Variants in GABRB1 observed in about 807,000 individuals in gnomAD.
GABRB1 encodes the protein gamma-aminobutyric acid type A receptor subunit beta1.
In GABRB1, 17 loss-of-function variants were observed where a neutral mutation model predicts 51.6. That is an observed-to-expected ratio of 0.33 (90% CI 0.23 to 0.49). GABRB1 has a LOEUF of 0.49. GABRB1 is among the 20% of genes least tolerant of loss of function. The pLI is 0.99. For synonymous variants in GABRB1, 247 were observed against 218.9 expected (o/e 1.13, Z -1.14); for missense variants, 410 against 600.6 (o/e 0.68, Z 3.32).
intron 4 of GABRB1, among the ~76,000 whole-genome samples, chr4:47,252,356 C>T (rs1722027244): frequency 1.3e-5 from 2 of 152,110 alleles, no homozygotes; most frequent in South Asian, 2.1e-4. Context: ...TTGGGGCACT[C>T]ACAGTATTTG....
intron 4 of GABRB1, among the ~76,000 whole-genome samples, chr4:47,245,236 T>A (rs1721696929): frequency 6.6e-6 from 1 of 152,184 alleles, no homozygotes; most frequent in African/African-American, 2.4e-5. Context: ...AAGGTTTTTT[T>A]CCTGCATCCA....
chr4:47,387,853 T>C (rs531461563), intron 5 of GABRB1, among the ~76,000 whole-genome samples: 16 of 152,080 alleles, frequency 1.1e-4, no homozygotes, highest in Non-Finnish European at 2.2e-4. Flanking sequence ...TCTTGAGAAA[T>C]TACAGGTAGA....
At chr4:47,320,297 G>T in intron 5 of GABRB1, 88 bp downstream of exon 5, 1 of 857,752 alleles carries the variant, frequency 1.2e-6, no homozygotes, top group East Asian at 2.4e-5. Flanking sequence ...TTAGCACCAG[G>T]ATTTTCTAGC....
intron 5 of GABRB1, among the ~76,000 whole-genome samples, chr4:47,372,564 C>T (rs1412418816): frequency 6.6e-6 from 1 of 152,106 alleles, no homozygotes; most frequent in African/African-American, 2.4e-5. Context: ...CAATCTCTTC[C>T]CATCCACCAC....
intron 3 of GABRB1, among the ~76,000 whole-genome samples, chr4:47,122,806 T>C (rs1047336737): frequency 3.3e-5 from 5 of 152,196 alleles, no homozygotes; most frequent in African/African-American, 1.2e-4. Context: ...AGAAGCTCAC[T>C]GGAAACAAGT....
rs558030522 is a variant in GABRB1, at chr4:47,381,164, A to G, written c.545-22154A>G. 5.7e-4 allele frequency among the ~76,000 whole-genome samples: 87 copies of G among 152,238 alleles called. No individual in the cohort carries two copies. The South Asian group carries it at 0.018, about 31-fold the overall frequency. Reference sequence around the variant, plus strand: ...TGTAAGCTCTGGAGGTGACTACAGAAGCCTCACCCTTGGGAGCTAAGGAAG... The same window carrying G: ...TGTAAGCTCTGGAGGTGACTACAGAGGCCTCACCCTTGGGAGCTAAGGAAG... On this transcript the variant is annotated intron_variant, in intron 5 of 8. Coordinates refer to ENST00000295454, the MANE Select transcript of GABRB1 (RefSeq NM_000812.4).
At chr4:47,278,636 C>T (rs1199383646) in intron 4 of GABRB1, among the ~76,000 whole-genome samples, 2 of 152,108 alleles carry the variant, frequency 1.3e-5, no homozygotes, top group Non-Finnish European at 2.9e-5. Context: ...TTGCCTGGCC[C>T]TCAATGTCAA....
chr4:47,290,240 GC>G (rs1238347859), intron 4 of GABRB1, among the ~76,000 whole-genome samples: 1 of 152,180 alleles, frequency 6.6e-6, no homozygotes, highest in African/African-American at 2.4e-5. Flanking sequence ...TCTTTCCATT[GC>G]TGTTCTCATG....
intron 3 of GABRB1, among the ~76,000 whole-genome samples, chr4:47,122,675 T>C (rs982931510): frequency 1.9e-4 from 29 of 152,136 alleles, no homozygotes; most frequent in Admixed American, 1.6e-3. Context: ...AGGGGAAGTA[T>C]GATAGACTTG....
intron 3 of GABRB1, among the ~76,000 whole-genome samples, chr4:47,040,636 G>A (rs1386199423): frequency 2.6e-5 from 4 of 152,076 alleles, no homozygotes; most frequent in Admixed American, 6.5e-5. Flanking sequence ...ATGTTATAAG[G>A]CACTTGGGGA....
intron 3 of GABRB1, chr4:47,033,064 G>C (rs1026318123): frequency 3.7e-6 from 1 of 267,784 alleles, no homozygotes; most frequent in Non-Finnish European, 7.5e-6. Context: ...GCCCGAGCCT[G>C]GGTAGGCTTG....
At chr4:47,311,237 T>TACAACAACAACAACAACAACA (rs1382390835) in intron 4 of GABRB1, among the ~76,000 whole-genome samples, 13 of 142,532 alleles carry the variant, frequency 9.1e-5, no homozygotes, top group African/African-American at 1.8e-4. Context: ...CTACTAAAAA[T>TACAACAACAACAACAACAACA]ACAACAACAA....
chr4:47,420,666 T>C (rs1159870734), intron 8 of GABRB1, among the ~76,000 whole-genome samples: 1 of 152,186 alleles, frequency 6.6e-6, no homozygotes, highest in African/African-American at 2.4e-5. Context: ...TCTGATGATA[T>C]GAAAAAATAA....
intron 4 of GABRB1, among the ~76,000 whole-genome samples, chr4:47,199,555 T>C (rs1719818600): frequency 6.6e-6 from 1 of 152,072 alleles, no homozygotes; most frequent in Non-Finnish European, 1.5e-5. Flanking sequence ...GTTGTTGGCT[T>C]GCACTGGAAG....
At chr4:47,265,019 A>G (rs1722594454) in intron 4 of GABRB1, among the ~76,000 whole-genome samples, 1 of 152,196 alleles carries the variant, frequency 6.6e-6, no homozygotes, top group African/African-American at 2.4e-5. Flanking sequence ...TAGTCAGGTC[A>G]TCTTTTTTTA....
chr4:47,174,727 G>T (rs1164295683), intron 4 of GABRB1, among the ~76,000 whole-genome samples: 1 of 152,062 alleles, frequency 6.6e-6, no homozygotes, highest in African/African-American at 2.4e-5. Context: ...GCCATCACAA[G>T]TTGCAGAGCA....
At position 47,270,498 on chromosome 4, in the gene GABRB1, T is replaced by C. The variant is rs983316168; in HGVS notation, c.462-49629T>C. ...GAATAATTTTTAAAAGAGAATTGCC[T>C]GTTGCTTTCTGTTGTGGAGTGGGGA... On this transcript the variant is annotated intron_variant, in intron 4 of 8. Transcript: ENST00000295454. Among the ~76,000 whole-genome samples, 3 of 152,242 alleles carry C rather than the reference T, an allele frequency of 2.0e-5. No individual in the cohort carries two copies. The South Asian group carries it at 6.2e-4, about 31-fold the overall frequency.
intron 5 of GABRB1, among the ~76,000 whole-genome samples, chr4:47,351,560 T>TC (rs1726334458): frequency 1.7e-5 from 1 of 57,312 alleles, no homozygotes; most frequent in Non-Finnish European, 3.2e-5. Context: ...CCCTCCCCCC[T>TC]CCCCCCACCC....
At chr4:47,123,316 A>G (rs1715872809) in intron 3 of GABRB1, among the ~76,000 whole-genome samples, 1 of 131,874 alleles carries the variant, frequency 7.6e-6, no homozygotes, top group South Asian at 2.3e-4. Context: ...ATTATATAAT[A>G]TTATATATAT....
Sources: allele counts gnomAD v4.1 joint callset (sites outside exome capture counted in the v4.1 genomes callset), GRCh38; gene constraint gnomAD v4.1.1; transcripts MANE v1.5; gene names NCBI Gene and HGNC (gene_info 2026-07-23, HGNC 2026-07-21).